Variants in PLEKHM3 observed in about 807,000 individuals in gnomAD.
PLEKHM3 encodes pleckstrin homology domain containing M3.
In PLEKHM3, 45 loss-of-function variants were observed where a neutral mutation model predicts 81.8. The ratio of observed to expected loss-of-function variants is 0.55; its 90% CI spans 0.43 to 0.71. PLEKHM3 has a LOEUF of 0.71. Among genes scored for constraint, PLEKHM3 ranks in the 30% least tolerant of loss-of-function variants. The probability of loss-of-function intolerance (pLI) is 0.00; values close to 1 mark genes in which losing one functional copy is unlikely to be tolerated. For missense variants in PLEKHM3, 788 were observed against 924.3 expected, an observed-to-expected ratio of 0.85 and a Z score of 1.91; for synonymous variants, 352 against 356.4, an observed-to-expected ratio of 0.99 and a Z score of 0.14.
intron 1 of PLEKHM3, among the ~76,000 whole-genome samples, chr2:208,002,360 T>C (rs1420637792): frequency 6.6e-6 from 1 of 152,222 alleles, no homozygotes; most frequent in Non-Finnish European, 1.5e-5. Context: ...TTCACAAACT[T>C]TGAAGGCACT....
chr2:207,989,226 C>T (rs1410309780), intron 2 of PLEKHM3, among the ~76,000 whole-genome samples: 4 of 152,204 alleles, frequency 2.6e-5, no homozygotes, highest in Non-Finnish European at 5.9e-5. Flanking sequence ...ATCGTGTCAA[C>T]AGAGTTTATA....
chr2:207,901,342 A>G (rs1688420268), intron 6 of PLEKHM3: 1 of 702,978 alleles, frequency 1.4e-6, no homozygotes, highest in African/African-American at 1.7e-5. Flanking sequence ...CATAAAGAAC[A>G]ATCTGCACCA....
intron 1 of PLEKHM3, among the ~76,000 whole-genome samples, chr2:208,021,109 G>A (rs942880699): frequency 6.6e-6 from 1 of 152,226 alleles, no homozygotes; most frequent in African/African-American, 2.4e-5. Flanking sequence ...CTGTAATAGA[G>A]TATGTCAAGT....
intron 6 of PLEKHM3, among the ~76,000 whole-genome samples, chr2:207,897,942 C>T (rs112696582): frequency 6.6e-5 from 10 of 152,308 alleles, no homozygotes; most frequent in African/African-American, 2.2e-4. Flanking sequence ...TGCATTGCTG[C>T]CCTGACCTTG....
chr2:208,018,307 A>C (rs1166777900), intron 1 of PLEKHM3, among the ~76,000 whole-genome samples: 1 of 150,674 alleles, frequency 6.6e-6, no homozygotes, highest in Non-Finnish European at 1.5e-5. Context: ...TGGGAGGCGG[A>C]AGTTGCAGTG....
chr2:207,840,476 GTGAGCCACCA>G (rs2092344043), intron 7 of PLEKHM3, among the ~76,000 whole-genome samples: 1 of 152,178 alleles, frequency 6.6e-6, no homozygotes, highest in Admixed American at 6.5e-5. Flanking sequence ...GATAACAGGT[GTGAGCCACCA>G]TGCCCAGCCA....
At chr2:207,859,136 C>CTTTTTTTTTTTTTT (rs371493664) in intron 7 of PLEKHM3, among the ~76,000 whole-genome samples, 3 of 118,378 alleles carry the variant, frequency 2.5e-5, no homozygotes, top group Non-Finnish European at 3.4e-5. Flanking sequence ...TTTTCTTTTT[C>CTTTTTTTTTTTTTT]TTTTTTTTTT....
Position 207,976,107 on chromosome 2 carries a change from AATC to A in PLEKHM3, c.1546+541_1546+543del, listed in dbSNP as rs1432598770. On this transcript the variant is annotated intron_variant, in intron 3 of 7. Transcript: ENST00000427836. This position sits in a 1 kb window ranked among gnomAD's most constrained non-coding sequence, Gnocchi z 4.1. ...ATAGTGACTCAGTGGTCATCTGCTGAATCATCATTTACTCCGCTTTTAGCCACC... is the reference window on the plus strand; with the variant it reads ...ATAGTGACTCAGTGGTCATCTGCTGAATCATTTACTCCGCTTTTAGCCACC... Among the ~76,000 whole-genome samples the A allele has an allele frequency of 6.6e-6, 1 of 152,166 alleles. No individual in the cohort carries two copies. The highest frequency in any genetic ancestry group is 6.5e-5 in the Admixed American group (1 of 15,276).
chr2:207,857,575 G>T (rs2092443026), intron 7 of PLEKHM3, among the ~76,000 whole-genome samples: 1 of 151,990 alleles, frequency 6.6e-6, no homozygotes, highest in South Asian at 2.1e-4. Context: ...TCTACTTCTC[G>T]TTGAGTCAGT....
intron 4 of PLEKHM3, 52 bp downstream of exon 4, chr2:207,946,315 C>T (rs2105968618): frequency 1.3e-6 from 2 of 1,569,172 alleles, no homozygotes; most frequent in Non-Finnish European, 1.7e-6. Context: ...CACCTGAGAA[C>T]ATATGAACAC....
chr2:207,916,205 A>G (rs1349417213), intron 5 of PLEKHM3, among the ~76,000 whole-genome samples: 5 of 152,214 alleles, frequency 3.3e-5, no homozygotes, highest in Admixed American at 2.6e-4. Flanking sequence ...GTTACAGGAA[A>G]TAAGGGTCCT....
At chr2:207,960,506 T>C (rs190068082) in intron 3 of PLEKHM3, among the ~76,000 whole-genome samples, 126 of 152,346 alleles carry the variant, frequency 8.3e-4, no homozygotes, top group Admixed American at 2.9e-3. Context: ...TAATAATAAA[T>C]GTGATCTGGA....
rs576481087 is a variant in PLEKHM3, at chr2:207,995,452, G to A, written c.610+5578C>T. Among the ~76,000 whole-genome samples the A allele has an allele frequency of 8.5e-5, 13 of 152,302 alleles. 1 individual carries two copies. The highest frequency in any genetic ancestry group is 2.0e-4 in the Admixed American group (3 of 15,290). On this transcript the variant is annotated intron_variant, in intron 2 of 7. Transcript: ENST00000427836. The stretch of plus-strand genomic sequence containing the variant: ...GGCTTTCAAAGTGGAGGGCTGAGGA[G>A]ACTGAGGACCACTAGCTTCCAAAGT...
chr2:207,928,266 C>T (rs1689472922), intron 5 of PLEKHM3, among the ~76,000 whole-genome samples: 2 of 152,214 alleles, frequency 1.3e-5, no homozygotes, highest in African/African-American at 4.8e-5. Context: ...ATGAAACAGT[C>T]ACATGGAGAA....
chr2:207,884,346 T>C (rs191499831), intron 6 of PLEKHM3, among the ~76,000 whole-genome samples: 109 of 151,922 alleles, frequency 7.2e-4, no homozygotes, highest in Non-Finnish European at 1.6e-4. Flanking sequence ...AGGGCAATCA[T>C]GCAAGAAACA....
chr2:207,962,160 A>G (rs1215310337), intron 3 of PLEKHM3, among the ~76,000 whole-genome samples: 1 of 152,176 alleles, frequency 6.6e-6, no homozygotes. Context: ...TGGTCAACAG[A>G]AAGACCAACC....
intron 3 of PLEKHM3, among the ~76,000 whole-genome samples, chr2:207,948,349 C>CTTTTTTTTTTTTT (rs752976462): frequency 1.2e-5 from 1 of 81,066 alleles, no homozygotes; most frequent in African/African-American, 5.5e-5. Context: ...CTCCTCAGAT[C>CTTTTTTTTTTTTT]TTTTTTTTTT....
At chr2:207,999,513 G>A (rs544027597) in intron 2 of PLEKHM3, among the ~76,000 whole-genome samples, 1 of 152,216 alleles carries the variant, frequency 6.6e-6, no homozygotes, top group African/African-American at 2.4e-5. Context: ...GGCTGATGTG[G>A]GAGGATCCCA....
At chr2:207,962,107 T>C (rs1247199405) in intron 3 of PLEKHM3, among the ~76,000 whole-genome samples, 1 of 152,194 alleles carries the variant, frequency 6.6e-6, no homozygotes, top group African/African-American at 2.4e-5. Context: ...TTTATGCTAA[T>C]GGTGAGTCAT....
Sources: allele counts gnomAD v4.1 joint callset (sites outside exome capture counted in the v4.1 genomes callset), GRCh38; gene constraint gnomAD v4.1.1; non-coding constraint Gnocchi (gnomAD v3.1); transcripts MANE v1.5; gene names NCBI Gene and HGNC (gene_info 2026-07-23, HGNC 2026-07-21).